The following TRPM1 variants were observed in gnomAD, a reference collection of about 807,000 sequenced individuals.
TRPM1 encodes transient receptor potential cation channel subfamily M member 1.
Under a neutral mutation model 149.4 loss-of-function variants are expected in TRPM1, and 113 were observed. That is an observed-to-expected ratio of 0.76 (90% CI 0.65 to 0.88). TRPM1 has a LOEUF of 0.88. TRPM1 is among the 40% of genes least tolerant of loss of function. The pLI, the probability that TRPM1 is intolerant of heterozygous loss-of-function variation, is 0.00. For synonymous variants in TRPM1, 741 were observed against 759.5 expected, an observed-to-expected ratio of 0.98 and a Z score of 0.40; for missense variants, 1,976 against 2,038.7, an observed-to-expected ratio of 0.97 and a Z score of 0.59.
chr15:31,088,400 C>T (rs1441865071), intron 1 of TRPM1, among the ~76,000 whole-genome samples: 3 of 152,184 alleles, frequency 2.0e-5, no homozygotes, highest in Admixed American at 2.0e-4. Context: ...TTGCTGCAAG[C>T]AGAAAGTGTC....
chr15:31,072,467 T>A (rs2034586006), intron 3 of TRPM1, among the ~76,000 whole-genome samples: 1 of 152,202 alleles, frequency 6.6e-6, no homozygotes, highest in African/African-American at 2.4e-5. Context: ...CTGTTATGAA[T>A]AATGCTGCTA....
intron 7 of TRPM1, among the ~76,000 whole-genome samples, chr15:31,064,578 T>C (rs1165264379): frequency 6.6e-6 from 1 of 152,154 alleles, no homozygotes; most frequent in African/African-American, 2.4e-5. Flanking sequence ...TGTCCATTAG[T>C]TGTGATGGGA....
At chr15:31,058,237 GA>G (rs528356745) in intron 11 of TRPM1, among the ~76,000 whole-genome samples, 238 of 151,750 alleles carry the variant, frequency 1.6e-3, no homozygotes, top group African/African-American at 5.4e-3. Flanking sequence ...ATGTTTGGAA[GA>G]AAAAAAGAGA....
At chr15:31,043,474 G>T (rs1472521870) in intron 16 of TRPM1, among the ~76,000 whole-genome samples, 1 of 151,972 alleles carries the variant, frequency 6.6e-6, no homozygotes, top group South Asian at 2.1e-4. Flanking sequence ...TTGTAGCCAT[G>T]AGCCACCACG....
At chr15:31,099,246 A>G (rs555410322) in intron 1 of TRPM1, among the ~76,000 whole-genome samples, 12 of 152,280 alleles carry the variant, frequency 7.9e-5, no homozygotes, top group African/African-American at 2.6e-4. Context: ...CACTGAGGGC[A>G]ACATGTCTCT....
chr15:31,122,291 C>T (rs569852738), intron 1 of TRPM1, among the ~76,000 whole-genome samples: 1 of 152,276 alleles, frequency 6.6e-6, no homozygotes. Context: ...AATGTCCCCT[C>T]CTACTACTCC....
intron 3 of TRPM1, 57 bp downstream of exon 3, chr15:31,076,848 A>G (rs2034707111): frequency 7.5e-7 from 1 of 1,330,686 alleles, no homozygotes; most frequent in Non-Finnish European, 1.1e-6. Flanking sequence ...CAAACATGAG[A>G]ATAGTGGCAG....
At chr15:31,066,315 C>A in intron 6 of TRPM1, 68 bp from the exon 7 acceptor site, 1 of 1,552,124 alleles carries the variant, frequency 6.4e-7, no homozygotes, top group Non-Finnish European at 8.9e-7. Context: ...GGGAAGCAAG[C>A]ACAATACATA....
chr15:31,096,721 C>T (rs1274389856), intron 1 of TRPM1, among the ~76,000 whole-genome samples: 3 of 152,250 alleles, frequency 2.0e-5, no homozygotes, highest in African/African-American at 4.8e-5. Context: ...GTACCCTCTC[C>T]TTTCCCGATG....
At chr15:31,156,296 A>G (rs2036376639) in intron 1 of TRPM1, among the ~76,000 whole-genome samples, 1 of 149,954 alleles carries the variant, frequency 6.7e-6, no homozygotes, top group Non-Finnish European at 1.5e-5. Context: ...TTTGTGGGGG[A>G]AAATTTGCAG....
At chr15:31,048,331 CTA>C (rs1404156723) in intron 13 of TRPM1, among the ~76,000 whole-genome samples, 1 of 152,156 alleles carries the variant, frequency 6.6e-6, no homozygotes, top group Non-Finnish European at 1.5e-5. Flanking sequence ...CTGCCCTACT[CTA>C]TATAATTAAT....
chr15:31,083,794 C>T (rs555207954), intron 1 of TRPM1, among the ~76,000 whole-genome samples: 1 of 152,322 alleles, frequency 6.6e-6, no homozygotes, highest in South Asian at 2.1e-4. Flanking sequence ...CTGCCCCTAG[C>T]TGCAGAGAGC....
intron 1 of TRPM1, among the ~76,000 whole-genome samples, chr15:31,113,938 T>G (rs534612100): frequency 6.6e-5 from 10 of 151,102 alleles, no homozygotes; most frequent in Non-Finnish European, 1.2e-4. Context: ...GCCCTGCCCA[T>G]GTCCTGCAGA....
chr15:31,146,522 G>C (rs1030635316), intron 1 of TRPM1, among the ~76,000 whole-genome samples: 6 of 152,240 alleles, frequency 3.9e-5, no homozygotes, highest in African/African-American at 1.4e-4. Flanking sequence ...TCAGGAAAGA[G>C]AGATAACAGC....
intron 1 of TRPM1, among the ~76,000 whole-genome samples, chr15:31,130,407 A>T (rs548879225): frequency 6.0e-4 from 92 of 152,328 alleles, no homozygotes; most frequent in African/African-American, 2.2e-3. Flanking sequence ...GGAGGAACTT[A>T]GTTTATAGTT....
intron 1 of TRPM1, among the ~76,000 whole-genome samples, chr15:31,094,551 A>C (rs2035326942): frequency 6.6e-6 from 1 of 152,250 alleles, no homozygotes; most frequent in Non-Finnish European, 1.5e-5. Context: ...AAACTGGGCA[A>C]AGGACTTGAA....
Position 31,040,241 on chromosome 15 carries a change from C to T in TRPM1, c.2193G>A (p.Ser731=), listed in dbSNP as rs769533569. 7 of 1,614,154 alleles carry T rather than the reference C, an allele frequency of 4.3e-6. No homozygotes were observed. In the South Asian group the frequency reaches 5.5e-5, roughly 13 times the overall value. ...CTGCCACGGCCAGTTTGAGGCAGGT[C>T]GAGTTGCTCCAGTTTTTCAGCTCGT... ...LTYELKNWSN[S]TCLKLAVAAK... The change falls in exon 18 of 28, where the codon TCG becomes TCA. Residue 731 remains serine, a synonymous_variant. Transcript: ENST00000256552. The surrounding 1 kb of genome is among the most constrained non-coding windows in gnomAD (Gnocchi z 4.2).
chr15:31,066,199 C>T lies in TRPM1; in HGVS notation c.667G>A (p.Val223Met). The T allele has an allele frequency of 3.7e-6, 6 of 1,614,170 alleles. No homozygotes were observed. Among genetic ancestry groups the T allele is most frequent in the South Asian group, 2.2e-5 (2 of 91,084 alleles). ...AAGTGGGTGTGGGAGTTGTTGAGCACAGAGAGCTTACTTAGAGGGTTGGAC... is the reference window on the plus strand; with the variant it reads ...AAGTGGGTGTGGGAGTTGTTGAGCATAGAGAGCTTACTTAGAGGGTTGGAC... ...TMSNPLSKLS[V>M]LNNSHTHFIL... The change falls in exon 7 of 28, where the codon GTG (valine) becomes ATG (methionine). Residue 223 changes from valine to methionine, a missense_variant. Transcript: ENST00000256552.
At chr15:31,086,535 T>G (rs1482410307) in intron 1 of TRPM1, among the ~76,000 whole-genome samples, 1 of 152,172 alleles carries the variant, frequency 6.6e-6, no homozygotes, top group Non-Finnish European at 1.5e-5. Flanking sequence ...ATGTGCCCTG[T>G]AAATGGGGGA....
Sources: allele counts gnomAD v4.1 joint callset (sites outside exome capture counted in the v4.1 genomes callset), GRCh38; gene constraint gnomAD v4.1.1; non-coding constraint Gnocchi (gnomAD v3.1); transcripts MANE v1.5; gene names NCBI Gene and HGNC (gene_info 2026-07-23, HGNC 2026-07-21).